The following SESN3 variants were observed in gnomAD, a reference collection of about 807,000 sequenced individuals.
SESN3 encodes the protein sestrin 3, also known as sestrin-3.
A neutral mutation model predicts 55.3 loss-of-function variants in SESN3; 21 were observed. The ratio of observed to expected loss-of-function variants is 0.38; its 90% CI spans 0.27 to 0.55. The LOEUF is 0.55. Among genes scored for constraint, SESN3 ranks in the 20% least tolerant of loss-of-function variants. The pLI is 0.76. For missense variants in SESN3, 408 were observed against 604.3 expected, an observed-to-expected ratio of 0.68 and a Z score of 3.41; for synonymous variants, 181 against 203.1, an observed-to-expected ratio of 0.89 and a Z score of 0.93.
At chr11:95,182,505 C>T (rs1328077397) in intron 6 of SESN3, among the ~76,000 whole-genome samples, 4 of 152,158 alleles carry the variant, frequency 2.6e-5, no homozygotes, top group African/African-American at 9.7e-5. Context: ...ATACTAGCAG[C>T]ACTGGCATTA....
intron 1 of SESN3, chr11:95,203,763 G>C (rs1037649839): frequency 4.6e-5 from 7 of 152,182 alleles, no homozygotes; most frequent in Admixed American, 4.6e-4. Flanking sequence ...CTTGATGTCA[G>C]GACCTCTTTA....
chr11:95,229,549 GAA>G (rs1346935306), intron 1 of SESN3, among the ~76,000 whole-genome samples: 1 of 152,102 alleles, frequency 6.6e-6, no homozygotes, highest in Non-Finnish European at 1.5e-5. Context: ...CTACTGCAGG[GAA>G]AAGAGGCTTG....
rs752981655 is a variant in SESN3, at chr11:95,184,408, G to T, written c.937+12C>A. The T allele has an allele frequency of 4.3e-6, 7 of 1,612,804 alleles. No homozygotes were observed. The highest frequency in any genetic ancestry group is 5.9e-6 in the Non-Finnish European group (7 of 1,179,486). ...AAGAACAACTAAAAGGCAAAAAAGTGCAAAAAAGCACCTGAATGAGGAAAT... is the reference window on the plus strand; with the variant it reads ...AAGAACAACTAAAAGGCAAAAAAGTTCAAAAAAGCACCTGAATGAGGAAAT... On this transcript the variant is annotated intron_variant, in intron 6 of 9. Coordinates refer to ENST00000536441, the MANE Select transcript of SESN3 (RefSeq NM_144665.4).
Position 95,191,355 on chromosome 11 carries a change from A to C in SESN3, c.342+49T>G, listed in dbSNP as rs1860264459. 3.6e-6 allele frequency: 5 copies of C among 1,386,764 alleles called. No individual in the cohort carries two copies. In the East Asian group the frequency reaches 1.1e-4, roughly 32 times the overall value. The allele number at this position is 1,386,764 out of a possible 1,614,324, so 85.9% of individuals were successfully genotyped here. The stretch of plus-strand genomic sequence containing the variant: ...CACATGCCTATTTTGGAAGGGAGAA[A>C]GAATAAGTGAGGAAGGTGTTATGTG... On this transcript the variant is annotated intron_variant, in intron 3 of 9. Transcript: ENST00000536441.
intron 1 of SESN3, among the ~76,000 whole-genome samples, chr11:95,225,016 C>G (rs932455286): frequency 2.6e-5 from 4 of 152,248 alleles, no homozygotes; most frequent in African/African-American, 9.6e-5. Flanking sequence ...AAGATGCACA[C>G]AAAAAGGTCA....
chr11:95,190,386 G>A (rs1860244412), intron 3 of SESN3, among the ~76,000 whole-genome samples: 1 of 151,848 alleles, frequency 6.6e-6, no homozygotes, highest in Non-Finnish European at 1.5e-5. Context: ...AAATGTGACT[G>A]CAGTCATATT....
intron 7 of SESN3, 56 bp from the exon 8 acceptor site, chr11:95,177,965 T>C (rs1859989749): frequency 8.4e-7 from 1 of 1,190,440 alleles, no homozygotes; most frequent in Non-Finnish European, 1.2e-6. Flanking sequence ...CTAAATTCTA[T>C]GTATTATTAA....
Position 95,178,789 on chromosome 11 carries a change from C to G in SESN3, c.977G>C (p.Arg326Pro), listed in dbSNP as rs764991422. Reference protein sequence around the residue: ...DDMIITSDVSRYIEDPGFGYE... With the variant: ...DDMIITSDVSPYIEDPGFGYE... ...CCCAAAACCAGGGTCTTCAATATATCGAGAGACATCAGATGTTATAATCAT... is the reference window on the plus strand; with the variant it reads ...CCCAAAACCAGGGTCTTCAATATATGGAGAGACATCAGATGTTATAATCAT... The change falls in exon 7 of 10, where the codon CGA (arginine) becomes CCA (proline). Residue 326 changes from arginine (R) to proline (P), a missense_variant. By Grantham distance (103) the Arg-to-Pro change is moderately radical. Around this residue, in one of 4 missense-constraint regions of SESN3, gnomAD observed 119 missense variants for 139.9 expected, o/e 0.85. Transcript: ENST00000536441. 1 of 1,610,798 alleles carries G rather than the reference C, an allele frequency of 6.2e-7. No homozygotes were observed. Among genetic ancestry groups the G allele is most frequent in the Admixed American group, 1.7e-5 (1 of 60,000 alleles).
intron 9 of SESN3, among the ~76,000 whole-genome samples, chr11:95,175,076 G>A (rs868814826): frequency 1.3e-5 from 2 of 152,056 alleles, no homozygotes; most frequent in South Asian, 2.1e-4. Flanking sequence ...TTAAGACAAC[G>A]GTTTCTGCTG....
chr11:95,198,765 G>A (rs1860409695), intron 1 of SESN3, among the ~76,000 whole-genome samples: 1 of 152,126 alleles, frequency 6.6e-6, no homozygotes, highest in African/African-American at 2.4e-5. Flanking sequence ...GCCACATGTG[G>A]CTAGTGGATA....
chr11:95,186,356 C>A (rs958748559), intron 4 of SESN3, among the ~76,000 whole-genome samples: 2 of 151,804 alleles, frequency 1.3e-5, no homozygotes, highest in African/African-American at 4.8e-5. Flanking sequence ...AAAAATAAAA[C>A]TGCTTTCTTT....
chr11:95,203,279 A>C (rs1860491103), intron 1 of SESN3, among the ~76,000 whole-genome samples: 2 of 152,162 alleles, frequency 1.3e-5, no homozygotes, highest in East Asian at 1.9e-4. Context: ...GAAATATATT[A>C]AATGCATTTG....
At chr11:95,197,241 T>G (rs1359087490) in intron 1 of SESN3, among the ~76,000 whole-genome samples, 1 of 152,126 alleles carries the variant, frequency 6.6e-6, no homozygotes, top group Non-Finnish European at 1.5e-5. Context: ...ACTGAAATTT[T>G]ATTGCCATTG....
chr11:95,228,721 C>T (rs1048885566), intron 1 of SESN3, among the ~76,000 whole-genome samples: 23 of 152,258 alleles, frequency 1.5e-4, no homozygotes, highest in African/African-American at 5.1e-4. Flanking sequence ...TTATTTCATG[C>T]CACTGCATGA....
At chr11:95,188,076 T>A (rs1419020636) in intron 4 of SESN3, among the ~76,000 whole-genome samples, 1 of 151,484 alleles carries the variant, frequency 6.6e-6, no homozygotes, top group Non-Finnish European at 1.5e-5. Flanking sequence ...CTGCTTCCAG[T>A]CTGTACAATC....
intron 1 of SESN3, among the ~76,000 whole-genome samples, chr11:95,197,820 T>C (rs1435779678): frequency 1.3e-5 from 2 of 152,040 alleles, no homozygotes; most frequent in Non-Finnish European, 2.9e-5. Flanking sequence ...GATACGAAAA[T>C]GAGCAACCCA....
chr11:95,199,109 A>G (rs1009047809), intron 1 of SESN3, among the ~76,000 whole-genome samples: 2 of 152,146 alleles, frequency 1.3e-5, no homozygotes, highest in African/African-American at 4.8e-5. Context: ...TAAAATGTTG[A>G]CTTGAGTTTA....
chr11:95,199,093 A>G (rs1860416269), intron 1 of SESN3, among the ~76,000 whole-genome samples: 1 of 152,136 alleles, frequency 6.6e-6, no homozygotes, highest in Non-Finnish European at 1.5e-5. Context: ...AATGAAAGAA[A>G]TTATCTAAAA....
intron 7 of SESN3, 125 bp from the exon 8 acceptor site, chr11:95,178,034 T>C: frequency 1.5e-6 from 1 of 659,232 alleles, no homozygotes; most frequent in South Asian, 2.0e-5. Flanking sequence ...GGTTTTCAGC[T>C]TTACTAAGGC....
Sources: allele counts gnomAD v4.1 joint callset (sites outside exome capture counted in the v4.1 genomes callset), GRCh38; gene constraint gnomAD v4.1.1; regional missense constraint gnomAD v4.1.1; transcripts MANE v1.5; gene names NCBI Gene and HGNC (gene_info 2026-07-23, HGNC 2026-07-21).